The following ARK2C variants were observed in gnomAD, a reference collection of about 807,000 sequenced individuals.
The protein encoded by ARK2C is E3 ubiquitin-protein ligase ARK2C.
the ARK2C span, among the ~76,000 whole-genome samples, chr18:46,349,644 G>T: frequency 1.1e-4 from 16 of 152,256 alleles, no homozygotes; most frequent in Admixed American, 8.5e-4. Flanking sequence ...GTGGGCTCTT[G>T]GCCACTGGGG....
At chr18:46,450,027 A>G in the ARK2C span, among the ~76,000 whole-genome samples, 2 of 152,220 alleles carry the variant, frequency 1.3e-5, no homozygotes, top group Non-Finnish European at 2.9e-5. Flanking sequence ...ATCAGGTGAG[A>G]TAATTCAATT....
chr18:46,433,072 T>A, the ARK2C span: 4 of 672,344 alleles, frequency 5.9e-6, no homozygotes, highest in Non-Finnish European at 9.9e-6. Flanking sequence ...GACGCTGCTG[T>A]GTCCTAATGT....
the ARK2C span, chr18:46,336,435 C>A: frequency 1.0e-6 from 1 of 985,382 alleles, no homozygotes. Context: ...AGTTTACTTT[C>A]ACGGCAAACA....
the ARK2C span, among the ~76,000 whole-genome samples, chr18:46,391,152 G>A: frequency 2.0e-5 from 3 of 152,106 alleles, no homozygotes; most frequent in East Asian, 3.9e-4. Flanking sequence ...AACAGGGTTC[G>A]CCACTTCGCA....
At chr18:46,361,220 C>A in the ARK2C span, among the ~76,000 whole-genome samples, 1 of 152,162 alleles carries the variant, frequency 6.6e-6, no homozygotes. Flanking sequence ...CTGGGCTTCA[C>A]CCCAGCTCCA....
the ARK2C span, among the ~76,000 whole-genome samples, chr18:46,368,208 G>A: frequency 1.8e-4 from 27 of 152,228 alleles, no homozygotes; most frequent in Non-Finnish European, 3.7e-4. Context: ...CTTATTGGAA[G>A]TTCACTAAAT....
the ARK2C span, among the ~76,000 whole-genome samples, chr18:46,384,269 G>T: frequency 1.3e-5 from 2 of 152,206 alleles, no homozygotes; most frequent in African/African-American, 4.8e-5. Context: ...GTCCCAGGGG[G>T]CTGGGATGCC....
At chr18:46,439,578 C>G in the ARK2C span, among the ~76,000 whole-genome samples, 2 of 152,178 alleles carry the variant, frequency 1.3e-5, no homozygotes, top group South Asian at 4.1e-4. Flanking sequence ...CTGCTTGCAG[C>G]ATATTTTCTC....
At chr18:46,360,797 A>G in the ARK2C span, among the ~76,000 whole-genome samples, 1 of 152,192 alleles carries the variant, frequency 6.6e-6, no homozygotes, top group East Asian at 1.9e-4. Flanking sequence ...CTACCTAGGT[A>G]GCACCAGGCA....
chr18:46,422,479 G>T, the ARK2C span, among the ~76,000 whole-genome samples: 1 of 152,226 alleles, frequency 6.6e-6, no homozygotes, highest in African/African-American at 2.4e-5. Context: ...TGAGTAGAAC[G>T]TGAAGTCTGT....
chr18:46,370,163 A>G, the ARK2C span, among the ~76,000 whole-genome samples: 1 of 152,220 alleles, frequency 6.6e-6, no homozygotes, highest in Non-Finnish European at 1.5e-5. Flanking sequence ...TAGAAGGAAG[A>G]TATAGAATAG....
chr18:46,450,821 C>T, the ARK2C span: 9 of 1,576,274 alleles, frequency 5.7e-6, no homozygotes, highest in Non-Finnish European at 7.8e-6. Context: ...AGCAGGCCAG[C>T]CTGCATAGTC....
the ARK2C span, chr18:46,334,729 A>C: frequency 0.087 from 26,233 of 301,168 alleles, 1,247 homozygotes; most frequent in Middle Eastern, 0.16. This position sits in a 1 kb window ranked among gnomAD's most constrained non-coding sequence, Gnocchi z 4.4. Flanking sequence ...AGAGAGAGAG[A>C]GCGCGCGCGC....
chr18:46,342,791 A>G, the ARK2C span, among the ~76,000 whole-genome samples: 1 of 152,222 alleles, frequency 6.6e-6, no homozygotes, highest in Non-Finnish European at 1.5e-5. Flanking sequence ...ACATTCTGGA[A>G]AGTTTAGAAA....
chr18:46,361,312 C>T, the ARK2C span, among the ~76,000 whole-genome samples: 1 of 152,206 alleles, frequency 6.6e-6, no homozygotes, highest in Non-Finnish European at 1.5e-5. Context: ...TAGCCTTGCT[C>T]TTCTGAAAAA....
chr18:46,382,865 T>C, the ARK2C span, among the ~76,000 whole-genome samples: 1 of 152,174 alleles, frequency 6.6e-6, no homozygotes, highest in African/African-American at 2.4e-5. Flanking sequence ...GCAGCACCCA[T>C]CCCTCCTGGA....
At chr18:46,369,061 G>T in the ARK2C span, among the ~76,000 whole-genome samples, 4 of 152,222 alleles carry the variant, frequency 2.6e-5, no homozygotes. Context: ...ACGGTCCTGA[G>T]AAATTAATCT....
At chr18:46,394,255 T>G in the ARK2C span, among the ~76,000 whole-genome samples, 2 of 152,328 alleles carry the variant, frequency 1.3e-5, no homozygotes, top group East Asian at 3.9e-4. Context: ...GAGGAATCCT[T>G]CTGGGGCAAA....
At chr18:46,370,102 C>A in the ARK2C span, among the ~76,000 whole-genome samples, 1 of 152,246 alleles carries the variant, frequency 6.6e-6, no homozygotes, top group East Asian at 1.9e-4. Context: ...TTGAGCATCA[C>A]TTTCCAGGCT....
Sources: gnomAD v4.1 joint callset for allele counts (sites outside exome capture counted in the v4.1 genomes callset) on GRCh38, gnomAD v4.1.1 for gene constraint, Gnocchi (gnomAD v3.1) non-coding constraint, MANE v1.5 for transcripts, NCBI Gene and HGNC (gene_info 2026-07-23, HGNC 2026-07-21) for gene names.